The following DORIP1 variants were observed in gnomAD, a reference collection of about 807,000 sequenced individuals.
DORIP1 encodes the protein dopamine receptor interacting protein 1, also known as dopamine receptor-interacting protein 1.
chr14:44,899,108 T>C, the DORIP1 span: 1 of 152,252 alleles, frequency 6.6e-6, no homozygotes, highest in Non-Finnish European at 1.5e-5. Context: ...GTTAGTTTAT[T>C]TGCTTGTCCC....
chr14:44,900,290 T>C, the DORIP1 span: 1 of 673,400 alleles, frequency 1.5e-6, no homozygotes, highest in South Asian at 4.3e-5. Flanking sequence ...AAGTGGCTCA[T>C]TTAAATTTTT....
the DORIP1 span, chr14:44,903,990 G>C: frequency 2.0e-6 from 2 of 979,212 alleles, no homozygotes; most frequent in Non-Finnish European, 2.4e-6. Flanking sequence ...CATAATATGA[G>C]GAAACAATTT....
the DORIP1 span, chr14:44,904,303 T>A: frequency 6.0e-6 from 9 of 1,501,080 alleles, no homozygotes; most frequent in Middle Eastern, 1.8e-4. Context: ...TAGATAATTA[T>A]AAGAAAATTA....
At chr14:44,903,900 T>A in the DORIP1 span, 6 of 982,494 alleles carry the variant, frequency 6.1e-6, no homozygotes, top group Non-Finnish European at 7.3e-6. Flanking sequence ...ACCAGAATAC[T>A]GTACCCTGAG....
the DORIP1 span, chr14:44,905,377 G>A: frequency 6.6e-7 from 1 of 1,508,796 alleles, no homozygotes; most frequent in Admixed American, 1.8e-5. Context: ...GTATTTGTTG[G>A]AAGGTGCCAC....
chr14:44,897,774 A>T, the DORIP1 span, among the ~76,000 whole-genome samples: 1 of 152,222 alleles, frequency 6.6e-6, no homozygotes, highest in Non-Finnish European at 1.5e-5. Context: ...GCGGCTGCCC[A>T]GGGCCAGGGT....
chr14:44,905,725 ATGTT>A, the DORIP1 span: 1 of 395,034 alleles, frequency 2.5e-6, no homozygotes, highest in African/African-American at 2.1e-5. Context: ...CTGTGCAAAA[ATGTT>A]TGTAATTTTT....
At chr14:44,903,857 T>C in the DORIP1 span, 5 of 985,154 alleles carry the variant, frequency 5.1e-6, no homozygotes, top group Non-Finnish European at 6.0e-6. Context: ...GATGGTTTTC[T>C]GGTTAATTTG....
chr14:44,904,823 A>G, the DORIP1 span: 2 of 250,528 alleles, frequency 8.0e-6, no homozygotes, highest in African/African-American at 4.5e-5. Context: ...CAGTTTTCTT[A>G]TCTATAAAAC....
the DORIP1 span, chr14:44,904,343 A>G: frequency 6.4e-7 from 1 of 1,564,084 alleles, no homozygotes; most frequent in East Asian, 2.3e-5. Context: ...GAAGTGTTGA[A>G]AGCCAGCTTT....
the DORIP1 span, among the ~76,000 whole-genome samples, chr14:44,901,905 C>A: frequency 1.5e-3 from 233 of 152,202 alleles, no homozygotes; most frequent in Middle Eastern, 0.014. Context: ...ATTGGCAAGC[C>A]CTAGTGGAGT....
chr14:44,903,478 A>C, the DORIP1 span: 1 of 1,247,384 alleles, frequency 8.0e-7, no homozygotes, highest in Non-Finnish European at 1.0e-6. Flanking sequence ...ATTGATGAAT[A>C]CAAAGCAAAT....
At chr14:44,900,580 G>A in the DORIP1 span, 1 of 1,611,378 alleles carries the variant, frequency 6.2e-7, no homozygotes, top group Non-Finnish European at 8.5e-7. Flanking sequence ...ACCACTCTAT[G>A]TTGAAATAAG....
At chr14:44,900,436 A>C in the DORIP1 span, 1 of 1,486,760 alleles carries the variant, frequency 6.7e-7, no homozygotes, top group Non-Finnish European at 8.9e-7. Context: ...AAAATGTAGG[A>C]TGAAGACACT....
At chr14:44,903,483 G>A in the DORIP1 span, 3 of 1,224,792 alleles carry the variant, frequency 2.4e-6, no homozygotes, top group African/African-American at 1.5e-5. Flanking sequence ...TGAATACAAA[G>A]CAAATACCTT....
At chr14:44,904,437 T>C in the DORIP1 span, 3 of 1,611,386 alleles carry the variant, frequency 1.9e-6, no homozygotes, top group Non-Finnish European at 2.5e-6. Flanking sequence ...TTTTCTGCCA[T>C]GGGGCACCCC....
chr14:44,905,494 C>A, the DORIP1 span: 2 of 1,555,240 alleles, frequency 1.3e-6, no homozygotes, highest in Non-Finnish European at 1.8e-6. Flanking sequence ...GTTAAATAAA[C>A]CCCCAGAGTT....
At chr14:44,902,647 T>A in the DORIP1 span, among the ~76,000 whole-genome samples, 2 of 152,114 alleles carry the variant, frequency 1.3e-5, no homozygotes. Context: ...AAAACTAGTT[T>A]CATCTGTAAA....
At chr14:44,902,032 A>T in the DORIP1 span, among the ~76,000 whole-genome samples, 1 of 152,256 alleles carries the variant, frequency 6.6e-6, no homozygotes, top group African/African-American at 2.4e-5. Flanking sequence ...TATGGTCCAG[A>T]AAAACAGCCT....
Sources: allele counts gnomAD v4.1 joint callset (sites outside exome capture counted in the v4.1 genomes callset), GRCh38; gene constraint gnomAD v4.1.1; transcripts MANE v1.5; gene names NCBI Gene and HGNC (gene_info 2026-07-23, HGNC 2026-07-21).